Variants in NFRKB observed in about 807,000 individuals in gnomAD.
NFRKB encodes nuclear factor related to kappaB binding protein.
Under a neutral mutation model 135.7 loss-of-function variants are expected in NFRKB, and 62 were observed. The ratio of observed to expected loss-of-function variants is 0.46; its 90% CI spans 0.37 to 0.56. The LOEUF (loss-of-function observed/expected upper bound fraction) is 0.56. Among genes scored for constraint, NFRKB ranks in the 20% least tolerant of loss-of-function variants. The pLI, the probability that NFRKB is intolerant of heterozygous loss-of-function variation, is 0.00. For synonymous variants in NFRKB, 678 were observed against 635.6 expected (o/e 1.07, Z -1.00); for missense variants, 1,545 against 1,662.0 (o/e 0.93, Z 1.22).
Position 129,884,138 on chromosome 11 carries a change from C to T in NFRKB, c.748G>A (p.Val250Ile), listed in dbSNP as rs773177682. The T allele has an allele frequency of 6.2e-7, 1 of 1,614,190 alleles. No homozygotes were observed. The highest frequency in any genetic ancestry group is 1.1e-5 in the South Asian group (1 of 91,086). Reference protein sequence around the residue: ...STTDMKTADKVELGDSDLKIM... With the variant: ...STTDMKTADKIELGDSDLKIM... The stretch of plus-strand genomic sequence containing the variant: ...TTCAGGTCACTGTCCCCCAGTTCTA[C>T]TTTATCTGAGAAAACAAACCAAACC... The change falls in exon 8 of 27, where the codon GTA becomes ATA. Residue 250 changes from valine to isoleucine, a missense_variant. Around this residue, in one of 3 missense-constraint regions of NFRKB, gnomAD observed 678 missense variants for 646.7 expected, o/e 1.05. Coordinates refer to ENST00000682444, the MANE Select transcript of NFRKB (RefSeq NM_001143835.2).
chr11:129,891,498 G>A (rs1269184614), intron 3 of NFRKB, among the ~76,000 whole-genome samples: 2 of 152,182 alleles, frequency 1.3e-5, no homozygotes, highest in Non-Finnish European at 2.9e-5. Context: ...GGGAAGCCAT[G>A]GGGCAATCTA....
intron 8 of NFRKB, among the ~76,000 whole-genome samples, chr11:129,883,685 C>T (rs1324267916): frequency 6.6e-6 from 1 of 152,174 alleles, no homozygotes; most frequent in Non-Finnish European, 1.5e-5. Context: ...TTGGTGCTAG[C>T]TACCTCAACT....
chr11:129,872,839 T>A, intron 23 of NFRKB, 45 bp downstream of exon 23: 1 of 1,542,370 alleles, frequency 6.5e-7, no homozygotes, highest in Non-Finnish European at 8.8e-7. Context: ...TGGTCCCTGC[T>A]CCAGGATGAA....
At chr11:129,867,322 C>G (rs75929402) in intron 24 of NFRKB, among the ~76,000 whole-genome samples, 1 of 129,518 alleles carries the variant, frequency 7.7e-6, no homozygotes, top group African/African-American at 2.9e-5. Flanking sequence ...CTAAGTAACT[C>G]TTTTTTTTTT....
In NFRKB at chr11:129,881,463, G is replaced by GT. The variant is rs750310996; in HGVS notation, c.1363dup (p.Thr455AsnfsTer13). 1 of 1,614,168 alleles carries GT rather than the reference G, an allele frequency of 6.2e-7. No individual in the cohort carries two copies. The highest frequency in any genetic ancestry group is 8.5e-7 in the Non-Finnish European group (1 of 1,180,016). Reference sequence around the variant, plus strand: ...CTTACCAAGCAACTTCCACTGCTGGGTTTTCTCTTTGAATTCAACAAATGG... The same window carrying GT: ...CTTACCAAGCAACTTCCACTGCTGGGTTTTTCTCTTTGAATTCAACAAATGG... On this transcript the variant is annotated frameshift_variant, in exon 13 of 27. Transcript: ENST00000682444. LOFTEE classifies it high-confidence loss of function.
chr11:129,891,863 A>C (rs563560505), intron 3 of NFRKB, among the ~76,000 whole-genome samples: 1 of 152,362 alleles, frequency 6.6e-6, no homozygotes, highest in Admixed American at 6.5e-5. Context: ...AAAACATTTA[A>C]AAGAAATACT....
chr11:129,875,453 A>G lies in NFRKB; in HGVS notation c.1758T>C (p.Ala586=). The G allele has an allele frequency of 1.2e-6, 2 of 1,603,718 alleles. No homozygotes were observed. Among genetic ancestry groups the G allele is most frequent in the East Asian group, 2.2e-5 (1 of 44,624 alleles). The change falls in exon 18 of 27, where the codon GCT becomes GCC. Residue 586 remains alanine, a synonymous_variant. Transcript: ENST00000682444. The part of the protein sequence containing the change: ...YVTILSLVRD[A]AARLPNGEGT... ...CTTCTCCATTAGGCAGTCGAGCCGC[A>G]GCGTCCCGAACTGATGACATGAGAA...
At chr11:129,872,841 C>T (rs779970487) in intron 23 of NFRKB, 43 bp downstream of exon 23, 1 of 1,544,180 alleles carries the variant, frequency 6.5e-7, no homozygotes, top group East Asian at 2.3e-5. Context: ...GTCCCTGCTC[C>T]AGGATGAAGG....
At chr11:129,866,467 G>A (rs926259666) in intron 24 of NFRKB, among the ~76,000 whole-genome samples, 3 of 151,836 alleles carry the variant, frequency 2.0e-5, no homozygotes, top group Middle Eastern at 3.4e-3. Context: ...GGAGTGCAGG[G>A]CCACTGGTGA....
chr11:129,872,101 G>GTGATTGGA (rs1201122227), intron 23 of NFRKB, among the ~76,000 whole-genome samples: 2 of 152,100 alleles, frequency 1.3e-5, no homozygotes, highest in Non-Finnish European at 2.9e-5. Flanking sequence ...CCCCAGAGAG[G>GTGATTGGA]CCTTCTCCAA....
At chr11:129,876,645 A>T (rs778775196) in intron 17 of NFRKB, 76 bp downstream of exon 17, 23 of 1,131,600 alleles carry the variant, frequency 2.0e-5, no homozygotes, top group Non-Finnish European at 2.6e-5. Flanking sequence ...TAAGGAGAGG[A>T]CAGAGTTCAG....
intron 18 of NFRKB, 110 bp downstream of exon 18, chr11:129,875,247 G>T: frequency 2.1e-6 from 2 of 947,992 alleles, no homozygotes; most frequent in African/African-American, 1.7e-5. Context: ...TTCAAGGTAT[G>T]TTTTTCACTT....
At position 129,869,812 on chromosome 11, in the gene NFRKB, C is replaced by T; in HGVS notation, c.3213G>A (p.Gln1071=). The change falls in exon 24 of 27, where the codon CAG becomes CAA. Residue 1071 remains glutamine, a synonymous_variant. Coordinates refer to ENST00000682444, the MANE Select transcript of NFRKB (RefSeq NM_001143835.2). The stretch of plus-strand genomic sequence containing the variant: ...AAGAGGCCACTGTGCTTTTTCCCTT[C>T]TGGTCAGCCACACTCACGCCAAGAG... ...MPALGVSVAD[Q]KGKSTVASSE... is the part of the protein sequence containing the mutation. 6.2e-7 allele frequency: 1 copy of T among 1,614,260 alleles called. No individual in the cohort carries two copies. The highest frequency in any genetic ancestry group is 8.5e-7 in the Non-Finnish European group (1 of 1,180,044).
At chr11:129,885,743 G>A in intron 5 of NFRKB, 134 bp from the exon 6 acceptor site, 1 of 762,870 alleles carries the variant, frequency 1.3e-6, no homozygotes, top group Non-Finnish European at 2.0e-6. Context: ...AAAGAAAGAT[G>A]CACATATATA....
intron 8 of NFRKB, among the ~76,000 whole-genome samples, chr11:129,883,558 G>A (rs950408852): frequency 6.6e-6 from 1 of 152,194 alleles, no homozygotes; most frequent in African/African-American, 2.4e-5. Flanking sequence ...CTAGAAAAGA[G>A]AGAGAACTCA....
chr11:129,886,868 T>C (rs1949304010), intron 4 of NFRKB, among the ~76,000 whole-genome samples: 1 of 152,344 alleles, frequency 6.6e-6, no homozygotes, highest in East Asian at 1.9e-4. Context: ...GTCCCCAACT[T>C]CTGCTCTATC....
chr11:129,878,610 C>A, intron 13 of NFRKB, 67 bp from the exon 14 acceptor site: 1 of 1,275,932 alleles, frequency 7.8e-7, no homozygotes, highest in South Asian at 1.2e-5. Flanking sequence ...CCTGCTTTCT[C>A]TTTACTAGCT....
intron 24 of NFRKB, 110 bp from the exon 25 acceptor site, chr11:129,866,093 T>A: frequency 3.5e-6 from 3 of 865,474 alleles, no homozygotes; most frequent in South Asian, 1.8e-5. Flanking sequence ...ATGCTGTCAG[T>A]CCCCAGTACC....
intron 3 of NFRKB, among the ~76,000 whole-genome samples, chr11:129,890,959 T>C (rs913366787): frequency 6.6e-6 from 1 of 152,274 alleles, no homozygotes; most frequent in Non-Finnish European, 1.5e-5. Flanking sequence ...TATTAGTAAG[T>C]GGTCTTATTG....
Sources: gnomAD v4.1 joint callset for allele counts (sites outside exome capture counted in the v4.1 genomes callset) on GRCh38, gnomAD v4.1.1 for gene constraint, gnomAD v4.1.1 regional missense constraint, MANE v1.5 for transcripts, NCBI Gene and HGNC (gene_info 2026-07-23, HGNC 2026-07-21) for gene names.